Variants in COLEC12 observed in about 807,000 individuals in gnomAD.
COLEC12 encodes the protein collectin-12.
Under a neutral mutation model 71.1 loss-of-function variants are expected in COLEC12, and 33 were observed. That is an observed-to-expected ratio of 0.46 (90% CI 0.35 to 0.62). The LOEUF (loss-of-function observed/expected upper bound fraction) is 0.62. Ranked by LOEUF, COLEC12 falls within the 20% of genes least tolerant of loss-of-function variation. COLEC12 has a pLI of 0.00. For missense variants in COLEC12, 765 were observed against 916.1 expected (o/e 0.84, Z 2.13); for synonymous variants, 350 against 353.0 (o/e 0.99, Z 0.10).
intron 2 of COLEC12, among the ~76,000 whole-genome samples, chr18:400,739 C>T (rs13381577): frequency 6.6e-6 from 1 of 152,084 alleles, no homozygotes; most frequent in East Asian, 1.9e-4. Flanking sequence ...TGCCTGAGCA[C>T]ATGGCTGTCG....
intron 2 of COLEC12, among the ~76,000 whole-genome samples, chr18:421,479 G>C (rs1916097335): frequency 6.6e-6 from 1 of 152,052 alleles, no homozygotes; most frequent in Admixed American, 6.6e-5. Flanking sequence ...TCTGCTTGTA[G>C]GCTGATGAGG....
intron 2 of COLEC12, among the ~76,000 whole-genome samples, chr18:441,767 C>T (rs1054733619): frequency 1.8e-4 from 27 of 152,036 alleles, no homozygotes; most frequent in Admixed American, 5.9e-4. Context: ...GAGGCCAAGA[C>T]GGGCAGATCG....
intron 2 of COLEC12, among the ~76,000 whole-genome samples, chr18:473,488 C>T (rs1220778298): frequency 6.0e-5 from 5 of 82,716 alleles, no homozygotes; most frequent in Admixed American, 4.2e-4. Flanking sequence ...TCAGCCTCCC[C>T]GAGAAGCTGG....
At chr18:357,621 T>C in intron 2 of COLEC12, 99 bp from the exon 3 acceptor site, 1 of 954,042 alleles carries the variant, frequency 1.0e-6, no homozygotes, top group Non-Finnish European at 1.5e-6. Flanking sequence ...AAGAATAATT[T>C]TTACAAATGC....
intron 2 of COLEC12, among the ~76,000 whole-genome samples, chr18:455,148 C>A (rs1266881698): frequency 1.3e-5 from 2 of 152,180 alleles, no homozygotes; most frequent in Non-Finnish European, 2.9e-5. Context: ...GCTTCCCGCT[C>A]CATGGCCGCA....
intron 1 of COLEC12, among the ~76,000 whole-genome samples, chr18:497,418 G>A: frequency 6.8e-6 from 1 of 147,828 alleles, no homozygotes; most frequent in South Asian, 2.1e-4. Flanking sequence ...GTGTGTGTGT[G>A]TGTTTGAGAG....
chr18:392,876 A>T, intron 2 of COLEC12, among the ~76,000 whole-genome samples: 1 of 152,218 alleles, frequency 6.6e-6, no homozygotes, highest in East Asian at 1.9e-4. Flanking sequence ...TTTGGAAAAG[A>T]TTCTTTTCTT....
intron 2 of COLEC12, among the ~76,000 whole-genome samples, chr18:442,468 C>T (rs1916561833): frequency 6.6e-6 from 1 of 152,200 alleles, no homozygotes; most frequent in African/African-American, 2.4e-5. Context: ...ACTTAGCCCC[C>T]TCAGTAAGGA....
At chr18:417,235 A>C (rs1037306850) in intron 2 of COLEC12, among the ~76,000 whole-genome samples, 1 of 152,182 alleles carries the variant, frequency 6.6e-6, no homozygotes, top group African/African-American at 2.4e-5. Context: ...TACTGTACTG[A>C]ATACTGTAAG....
intron 2 of COLEC12, among the ~76,000 whole-genome samples, chr18:418,706 T>A (rs1052659409): frequency 8.8e-4 from 134 of 152,148 alleles, no homozygotes; most frequent in African/African-American, 3.2e-3. Context: ...GCCATGACAG[T>A]TTACAGATGC....
At chr18:428,606 T>A (rs2143668684) in intron 2 of COLEC12, among the ~76,000 whole-genome samples, 1 of 152,294 alleles carries the variant, frequency 6.6e-6, no homozygotes, top group East Asian at 1.9e-4. Context: ...TGGGAGTTCA[T>A]CATAAAAGAA....
intron 2 of COLEC12, among the ~76,000 whole-genome samples, chr18:368,697 C>T (rs35142121): frequency 0.016 from 2,338 of 148,776 alleles, 63 homozygotes; most frequent in African/African-American, 0.049. Context: ...ACCCCGTCTC[C>T]ACTAAAAAAT....
At chr18:451,497 C>T (rs1171799489) in intron 2 of COLEC12, among the ~76,000 whole-genome samples, 2 of 152,114 alleles carry the variant, frequency 1.3e-5, no homozygotes, top group African/African-American at 2.4e-5. Context: ...CCTGTAATCC[C>T]AGCACTTTGG....
intron 2 of COLEC12, among the ~76,000 whole-genome samples, chr18:366,675 C>T (rs536451622): frequency 6.0e-4 from 92 of 152,324 alleles, no homozygotes; most frequent in African/African-American, 2.2e-3. Context: ...GACTGGAGTA[C>T]AGATCCGGGC....
chr18:398,706 G>A (rs1915619819), intron 2 of COLEC12, among the ~76,000 whole-genome samples: 3 of 152,212 alleles, frequency 2.0e-5, no homozygotes, highest in African/African-American at 7.2e-5. Flanking sequence ...ATCTGACTTA[G>A]TGATGTCTAT....
Position 436,949 on chromosome 18 carries a change from C to T in COLEC12, c.58+43758G>A, listed in dbSNP as rs571624533. On this transcript the variant is annotated intron_variant, in intron 2 of 9. Coordinates refer to ENST00000400256, the MANE Select transcript of COLEC12 (RefSeq NM_130386.3). The stretch of plus-strand genomic sequence containing the variant: ...TTTTGCCATAAAACGATGAGTAGCA[C>T]AATACTTGTGCTTTTCAGAAATGTC... Among the ~76,000 whole-genome samples, 8 of 152,270 alleles carry T rather than the reference C, an allele frequency of 5.3e-5. No individual in the cohort carries two copies. The South Asian group carries it at 1.0e-3, about 20-fold the overall frequency.
Position 384,168 on chromosome 18 carries a change from T to C in COLEC12, c.59-26646A>G, listed in dbSNP as rs1449974432. ...AATCGACATACCCAAGAAGCTTTTA[T>C]AAATCTTGATGCTTAGACCACATTC... On this transcript the variant is annotated intron_variant, in intron 2 of 9. Coordinates refer to ENST00000400256, the MANE Select transcript of COLEC12 (RefSeq NM_130386.3). Among the ~76,000 whole-genome samples, 4 of 152,144 alleles carry C rather than the reference T, an allele frequency of 2.6e-5. No homozygotes were observed. In the East Asian group the frequency reaches 5.8e-4, roughly 22 times the overall value.
intron 2 of COLEC12, among the ~76,000 whole-genome samples, chr18:447,490 C>A (rs1321281848): frequency 5.3e-5 from 8 of 152,174 alleles, no homozygotes; most frequent in Non-Finnish European, 1.0e-4. Flanking sequence ...GCCACCCAGT[C>A]GGGCTTTGCA....
At chr18:403,615 A>C (rs1915729800) in intron 2 of COLEC12, among the ~76,000 whole-genome samples, 1 of 152,248 alleles carries the variant, frequency 6.6e-6, no homozygotes, top group Non-Finnish European at 1.5e-5. Flanking sequence ...CTTTAACTGA[A>C]GACACATCCT....
Sources: allele counts gnomAD v4.1 joint callset (sites outside exome capture counted in the v4.1 genomes callset), GRCh38; gene constraint gnomAD v4.1.1; transcripts MANE v1.5; gene names NCBI Gene and HGNC (gene_info 2026-07-23, HGNC 2026-07-21).